Variants in RAB11FIP4 observed in about 807,000 individuals in gnomAD.
The protein encoded by RAB11FIP4 is rab11 family-interacting protein 4.
RAB11FIP4 carries 23 observed loss-of-function variants against 74.3 expected under a neutral mutation model. That is an observed-to-expected ratio of 0.31 (90% CI 0.22 to 0.44). RAB11FIP4 has a LOEUF of 0.44. RAB11FIP4 is among the 20% of genes least tolerant of loss of function. The probability of loss-of-function intolerance (pLI) is 1.00; values close to 1 mark genes in which losing one functional copy is unlikely to be tolerated. For synonymous variants in RAB11FIP4, 360 were observed against 359.9 expected (o/e 1.00, Z 0.00); for missense variants, 630 against 863.9 (o/e 0.73, Z 3.39).
At chr17:31,396,218 G>GA (rs72535902) in intron 1 of RAB11FIP4, among the ~76,000 whole-genome samples, 61 of 52,160 alleles carry the variant, frequency 1.2e-3, no homozygotes, top group Middle Eastern at 0.017. Context: ...GAAAAGAAAA[G>GA]AAAGAAATGC....
At chr17:31,478,441 T>C (rs560763247) in intron 3 of RAB11FIP4, among the ~76,000 whole-genome samples, 1 of 152,312 alleles carries the variant, frequency 6.6e-6, no homozygotes, top group East Asian at 1.9e-4. Context: ...CCAAGCCCAG[T>C]TGCCTTAAGG....
At chr17:31,393,373 C>T (rs1164386517) in intron 1 of RAB11FIP4, among the ~76,000 whole-genome samples, 3 of 152,218 alleles carry the variant, frequency 2.0e-5, no homozygotes, top group East Asian at 1.9e-4. Flanking sequence ...GGGATAGTCG[C>T]GCTCCTTCCT....
intron 3 of RAB11FIP4, among the ~76,000 whole-genome samples, chr17:31,483,429 G>A (rs1209732754): frequency 2.0e-5 from 3 of 152,090 alleles, no homozygotes; most frequent in Admixed American, 1.3e-4. Flanking sequence ...TCCCACCTCT[G>A]GGGCTCATTC....
At position 31,463,913 on chromosome 17, in the gene RAB11FIP4, A is replaced by G. The variant is rs191817374; in HGVS notation, c.336+29791A>G. On this transcript the variant is annotated intron_variant, in intron 3 of 14. Coordinates refer to ENST00000621161, the MANE Select transcript of RAB11FIP4 (RefSeq NM_032932.6). ...ATTGCAACCTCAGCCTCCTGGTTCAAGCTATTCTCATGCCTCTGCCTAATG... is the reference window on the plus strand; with the variant it reads ...ATTGCAACCTCAGCCTCCTGGTTCAGGCTATTCTCATGCCTCTGCCTAATG... 2.2e-5 allele frequency among the ~76,000 whole-genome samples: 3 copies of G among 139,156 alleles called. No individual in the cohort carries two copies. The Admixed American group carries it at 2.4e-4, about 11-fold the overall frequency. The allele number at this position is 139,156 out of a possible 152,430, so 91.3% of individuals were successfully genotyped here.
At chr17:31,505,618 A>AT in intron 3 of RAB11FIP4, among the ~76,000 whole-genome samples, 1 of 34,788 alleles carries the variant, frequency 2.9e-5, no homozygotes, top group Non-Finnish European at 4.6e-5. Flanking sequence ...AATTATATAT[A>AT]ATATATAATT....
chr17:31,501,254 A>G (rs1371397713), intron 3 of RAB11FIP4, among the ~76,000 whole-genome samples: 1 of 151,614 alleles, frequency 6.6e-6, no homozygotes, highest in Non-Finnish European at 1.5e-5. Flanking sequence ...GGTTCTGGAA[A>G]TCCAGTTACA....
chr17:31,505,608 A>T (rs181434576), intron 3 of RAB11FIP4, among the ~76,000 whole-genome samples: 18,242 of 68,508 alleles, frequency 0.27, 2,199 homozygotes, highest in East Asian at 0.61. Flanking sequence ...ATATAATAAT[A>T]ATTATATATA....
chr17:31,527,949 G>A (rs750515545), intron 11 of RAB11FIP4, 26 bp downstream of exon 11: 51 of 1,549,142 alleles, frequency 3.3e-5, no homozygotes, highest in East Asian at 1.6e-4. Flanking sequence ...AGGCTTGGAG[G>A]GGCAGGGCTG....
chr17:31,488,278 C>CG lies in RAB11FIP4; in HGVS notation c.337-29371dup, dbSNP rs2071939053. On this transcript the variant is annotated intron_variant, in intron 3 of 14. Coordinates refer to ENST00000621161, the MANE Select transcript of RAB11FIP4 (RefSeq NM_032932.6). ...CGCCAGCTCTCGGGAGCCAGGTAAG[C>CG]GGCGGCCCCGGGGCTGGCGCTCGCA... 2.6e-6 allele frequency: 3 copies of CG among 1,176,348 alleles called. No individual in the cohort carries two copies. In the South Asian group the frequency reaches 1.3e-4, roughly 50 times the overall value. The allele number at this position is 1,176,348 out of a possible 1,614,324, so 72.9% of individuals were successfully genotyped here. A position where few individuals can be genotyped will look rare whatever the true frequency, so the allele number is the denominator to read the frequency against.
At chr17:31,463,889 T>C (rs1250258431) in intron 3 of RAB11FIP4, among the ~76,000 whole-genome samples, 2 of 137,158 alleles carry the variant, frequency 1.5e-5, no homozygotes, top group Admixed American at 1.6e-4. Flanking sequence ...TCTCAGCTCA[T>C]TGCAACCTCA....
intron 2 of RAB11FIP4, among the ~76,000 whole-genome samples, chr17:31,433,165 G>A (rs1381189347): frequency 6.6e-6 from 1 of 152,158 alleles, no homozygotes; most frequent in African/African-American, 2.4e-5. Flanking sequence ...AAAAATCTGA[G>A]ACAGTGGCAT....
chr17:31,500,357 G>T (rs1046493848), intron 3 of RAB11FIP4, among the ~76,000 whole-genome samples: 1 of 152,090 alleles, frequency 6.6e-6, no homozygotes, highest in Non-Finnish European at 1.5e-5. Flanking sequence ...GGGCAGTAGC[G>T]GCCCTCCTTC....
At position 31,528,311 on chromosome 17, in the gene RAB11FIP4, C is replaced by T. The variant is rs565502404; in HGVS notation, c.1357-95C>T. The stretch of plus-strand genomic sequence containing the variant: ...AGCTGGTTTCACTGTGCATCTGCCT[C>T]GTGAAGATGGCTGACCAGACCCCAG... On this transcript the variant is annotated intron_variant, in intron 11 of 14. Coordinates refer to ENST00000621161, the MANE Select transcript of RAB11FIP4 (RefSeq NM_032932.6). 495 of 1,408,138 alleles carry T rather than the reference C, an allele frequency of 3.5e-4. 1 individual carries two copies. The highest frequency in any genetic ancestry group is 6.1e-4 in the Admixed American group (28 of 45,900). The allele number at this position is 1,408,138 out of a possible 1,614,324, so 87.2% of individuals were successfully genotyped here. A position where few individuals can be genotyped will look rare whatever the true frequency, so the allele number is the denominator to read the frequency against.
chr17:31,432,018 G>A lies in RAB11FIP4; in HGVS notation c.247+118G>A, dbSNP rs1450337079. The A allele has an allele frequency of 1.3e-5, 10 of 756,460 alleles. No individual in the cohort carries two copies. In the East Asian group the frequency reaches 2.4e-4, roughly 18 times the overall value. 46.9% of individuals were successfully genotyped at this position (756,460 alleles called of 1,614,324 possible). ...CCACAGGGGTCCCAGAGCCCAGGAT[G>A]GGCCAGAAGTCGGTTCTGCCTCTGG... On this transcript the variant is annotated intron_variant, in intron 2 of 14. Transcript: ENST00000621161.
In RAB11FIP4 at chr17:31,493,079, G is replaced by A. The variant is rs557494841; in HGVS notation, c.337-24572G>A. Among the ~76,000 whole-genome samples, 24 of 152,276 alleles carry A rather than the reference G, an allele frequency of 1.6e-4. No individual in the cohort carries two copies. The East Asian group carries it at 2.1e-3, about 13-fold the overall frequency. ...TCTGAGTGACCTCCAGCCCAGAACC[G>A]CCCAGCAGGCCAGTGCTAGTCATGC... On this transcript the variant is annotated intron_variant, in intron 3 of 14. Transcript: ENST00000621161.
chr17:31,482,179 G>A (rs2071856562), intron 3 of RAB11FIP4, among the ~76,000 whole-genome samples: 1 of 152,180 alleles, frequency 6.6e-6, no homozygotes, highest in Non-Finnish European at 1.5e-5. Context: ...GGGTTTGGTG[G>A]GAAGAGGCAG....
intron 3 of RAB11FIP4, among the ~76,000 whole-genome samples, chr17:31,479,210 C>T (rs1220868804): frequency 6.6e-6 from 1 of 152,190 alleles, no homozygotes; most frequent in Non-Finnish European, 1.5e-5. Flanking sequence ...GGGAAATGTT[C>T]TCTCCTTGGT....
At chr17:31,511,868 T>C (rs548495482) in intron 3 of RAB11FIP4, among the ~76,000 whole-genome samples, 1 of 152,338 alleles carries the variant, frequency 6.6e-6, no homozygotes, top group Non-Finnish European at 1.5e-5. Context: ...ACTTGGGGCC[T>C]GCTGGCAGGC....
chr17:31,521,317 A>G lies in RAB11FIP4; in HGVS notation c.715A>G (p.Arg239Gly), dbSNP rs774953175. 6.2e-7 allele frequency: 1 copy of G among 1,613,824 alleles called. No homozygotes were observed. Among genetic ancestry groups the G allele is most frequent in the Admixed American group, 1.7e-5 (1 of 60,000 alleles). The change falls in exon 5 of 15, where the codon AGG (arginine) becomes GGG (glycine). Residue 239 changes from arginine to glycine, a missense_variant. Arg to Gly is a moderately radical substitution (Grantham distance 125). Coordinates refer to ENST00000621161, the MANE Select transcript of RAB11FIP4 (RefSeq NM_032932.6). ...CAGCCCTTGCCCCGATGATGAGACC[A>G]GGACCAACGTCTACTCGGACCTGGG... ...PSSPCPDDET[R>G]TNVYSDLGSS...
Sources: allele counts gnomAD v4.1 joint callset (sites outside exome capture counted in the v4.1 genomes callset), GRCh38; gene constraint gnomAD v4.1.1; transcripts MANE v1.5; gene names NCBI Gene and HGNC (gene_info 2026-07-23, HGNC 2026-07-21).